Variants in OSBPL10 observed in about 807,000 individuals in gnomAD.
OSBPL10 encodes oxysterol binding protein like 10.
In OSBPL10, 49 loss-of-function variants were observed where a neutral mutation model predicts 81.7. The ratio of observed to expected loss-of-function variants is 0.60; its 90% CI spans 0.48 to 0.76. The LOEUF (loss-of-function observed/expected upper bound fraction) is 0.76, where lower values mean the gene tolerates loss of function less well. Ranked by LOEUF, OSBPL10 falls within the 30% of genes least tolerant of loss-of-function variation. OSBPL10 has a pLI of 0.00. For synonymous variants in OSBPL10, 419 were observed against 383.6 expected (o/e 1.09, Z -1.08); for missense variants, 923 against 987.8 (o/e 0.93, Z 0.88).
At chr3:31,958,888 C>G (rs894488849) in intron 1 of OSBPL10, among the ~76,000 whole-genome samples, 1 of 152,170 alleles carries the variant, frequency 6.6e-6, no homozygotes. Flanking sequence ...TATTTACTAT[C>G]TGACTCTTTA....
chr3:31,695,771 TCTC>T (rs1482852236), intron 7 of OSBPL10, among the ~76,000 whole-genome samples: 3 of 152,148 alleles, frequency 2.0e-5, no homozygotes, highest in Admixed American at 6.5e-5. Context: ...TTCCCTGTCT[TCTC>T]CTCCCTTCTC....
intron 3 of OSBPL10, among the ~76,000 whole-genome samples, chr3:31,869,725 T>A (rs1422653769): frequency 6.6e-6 from 1 of 152,180 alleles, no homozygotes; most frequent in Non-Finnish European, 1.5e-5. Context: ...CTTAGTCACT[T>A]AACAGTTGTG....
intron 7 of OSBPL10, among the ~76,000 whole-genome samples, chr3:31,685,998 C>T (rs1006540781): frequency 7.9e-5 from 12 of 152,162 alleles, no homozygotes; most frequent in African/African-American, 2.7e-4. Flanking sequence ...CCTTCAGGAG[C>T]GAGTTCTCAC....
Position 31,747,961 on chromosome 3 carries a change from G to A in OSBPL10, c.889C>T (p.Gln297Ter), listed in dbSNP as rs1697580411. The A allele has an allele frequency of 6.2e-7, 1 of 1,614,012 alleles. No individual in the cohort carries two copies. The highest frequency in any genetic ancestry group is 8.5e-7 in the Non-Finnish European group (1 of 1,180,034). The part of the protein sequence containing the change: ...SCLGECLNLL[Q>*]QSVHQAGQPS... ...TGGCCCGCCTGGTGCACACTCTGCT[G>A]TAACAAGTTGAGGCACTCCCCAAGG... The change falls in exon 5 of 12, where the codon CAG (glutamine) becomes TAG (stop). Residue 297 changes from glutamine (Q) to a stop codon, truncating the protein, a stop_gained. Transcript: ENST00000396556. LOFTEE classifies it high-confidence loss of function.
intron 3 of OSBPL10, among the ~76,000 whole-genome samples, chr3:31,865,576 G>A (rs927172531): frequency 3.3e-5 from 5 of 152,138 alleles, no homozygotes; most frequent in Admixed American, 3.3e-4. Flanking sequence ...TAGGAGGTGG[G>A]CCTTTGGGAG....
intron 8 of OSBPL10, among the ~76,000 whole-genome samples, chr3:31,676,691 G>T (rs1266602708): frequency 6.6e-6 from 1 of 152,232 alleles, no homozygotes; most frequent in African/African-American, 2.4e-5. Flanking sequence ...CCTCTCATTA[G>T]AACTAACTGT....
chr3:31,733,699 T>TG (rs1262129851), intron 5 of OSBPL10, among the ~76,000 whole-genome samples: 3 of 150,068 alleles, frequency 2.0e-5, no homozygotes, highest in African/African-American at 4.9e-5. Flanking sequence ...TTTTTTTTTT[T>TG]TTTTTTTTTT....
At chr3:31,896,231 T>C (rs1366947165) in intron 1 of OSBPL10, among the ~76,000 whole-genome samples, 1 of 152,046 alleles carries the variant, frequency 6.6e-6, no homozygotes, top group Admixed American at 6.6e-5. Context: ...GAGGAAAGAG[T>C]TATTGCATCA....
At chr3:31,687,600 G>A (rs1185296447) in intron 7 of OSBPL10, among the ~76,000 whole-genome samples, 1 of 151,906 alleles carries the variant, frequency 6.6e-6, no homozygotes, top group East Asian at 1.9e-4. Context: ...CTATGCCTGG[G>A]CCACCCAGTG....
intron 4 of OSBPL10, among the ~76,000 whole-genome samples, chr3:31,787,392 C>G (rs1406878523): frequency 6.6e-6 from 1 of 152,008 alleles, no homozygotes; most frequent in Non-Finnish European, 1.5e-5. Flanking sequence ...GTCAGGAGTT[C>G]CAGACCAGCC....
intron 2 of OSBPL10, among the ~76,000 whole-genome samples, chr3:31,998,443 T>C (rs1264489921): frequency 6.6e-6 from 1 of 152,110 alleles, no homozygotes; most frequent in Non-Finnish European, 1.5e-5. Context: ...CAGATGGTTG[T>C]CCCCCAGCAT....
chr3:31,838,236 C>T (rs576278844), intron 3 of OSBPL10, among the ~76,000 whole-genome samples: 48 of 152,248 alleles, frequency 3.2e-4, no homozygotes, highest in African/African-American at 1.0e-3. Context: ...TGTGGCCGGG[C>T]ACTGTGGCTC....
chr3:31,760,440 ATGTC>A (rs1299203171), intron 4 of OSBPL10, among the ~76,000 whole-genome samples: 1 of 152,136 alleles, frequency 6.6e-6, no homozygotes, highest in Non-Finnish European at 1.5e-5. Flanking sequence ...AAAGATAATA[ATGTC>A]TGCATATCCT....
chr3:31,802,180 C>T (rs114903825), intron 4 of OSBPL10, among the ~76,000 whole-genome samples: 1 of 151,606 alleles, frequency 6.6e-6, no homozygotes, highest in Admixed American at 6.6e-5. Context: ...TGCACCCGGC[C>T]GTAAGAACTA....
At chr3:31,955,102 T>C (rs1348205038) in intron 1 of OSBPL10, among the ~76,000 whole-genome samples, 1 of 152,248 alleles carries the variant, frequency 6.6e-6, no homozygotes, top group Non-Finnish European at 1.5e-5. Context: ...GAAAAAATCA[T>C]AGAAGCTACT....
chr3:31,767,634 A>G (rs996340868), intron 4 of OSBPL10, among the ~76,000 whole-genome samples: 5 of 152,110 alleles, frequency 3.3e-5, no homozygotes, highest in Non-Finnish European at 7.3e-5. Context: ...TCTCTTCTGT[A>G]AGGCCTTGAG....
chr3:31,744,850 T>C (rs1697470964), intron 5 of OSBPL10, among the ~76,000 whole-genome samples: 1 of 151,990 alleles, frequency 6.6e-6, no homozygotes, highest in African/African-American at 2.4e-5. Context: ...GAGGGATTAA[T>C]TTTAGGAATA....
intron 4 of OSBPL10, among the ~76,000 whole-genome samples, chr3:31,762,118 A>G: frequency 6.6e-6 from 1 of 152,246 alleles, no homozygotes; most frequent in African/African-American, 2.4e-5. Context: ...TTGAGGTCCA[A>G]CTGCCTAGTT....
rs1174353038 is a variant in OSBPL10 at position 31,981,059 on chromosome 3, A to G, written c.121T>C (p.Ser41Pro). ...AGCCCGGCCGCCGCCGACCGGCTGG[A>G]GACCCCCCGGCCCGCCAGAGAGCAG... Reference protein sequence around the residue: ...PSCSLAGRGVSSRSAAAGLGG... With the variant: ...PSCSLAGRGVPSRSAAAGLGG... The change falls in exon 1 of 12, where the codon TCC becomes CCC. Residue 41 changes from serine (S) to proline (P), a missense_variant. This residue lies in a region of OSBPL10 where 514 missense variants were observed against 508.0 expected (regional missense o/e 1.01). Coordinates refer to ENST00000396556, the MANE Select transcript of OSBPL10 (RefSeq NM_017784.5). The surrounding 1 kb of genome is among the most constrained non-coding windows in gnomAD (Gnocchi z 4.5). The G allele has an allele frequency of 1.5e-5, 22 of 1,487,022 alleles. No individual in the cohort carries two copies. Among genetic ancestry groups the G allele is most frequent in the Non-Finnish European group, 2.0e-5 (22 of 1,122,556 alleles). 92.1% of individuals were successfully genotyped at this position (1,487,022 alleles called of 1,614,324 possible). A position where few individuals can be genotyped will look rare whatever the true frequency, so the allele number is the denominator to read the frequency against.
Sources: allele counts gnomAD v4.1 joint callset (sites outside exome capture counted in the v4.1 genomes callset), GRCh38; gene constraint gnomAD v4.1.1; regional missense constraint gnomAD v4.1.1; non-coding constraint Gnocchi (gnomAD v3.1); transcripts MANE v1.5; gene names NCBI Gene and HGNC (gene_info 2026-07-23, HGNC 2026-07-21).